Variants in RBM18 observed in about 807,000 individuals in gnomAD.
RBM18 encodes probable RNA-binding protein 18.
In RBM18, 18 loss-of-function variants were observed where a neutral mutation model predicts 26.4. The ratio of observed to expected loss-of-function variants is 0.68; its 90% CI spans 0.47 to 1.01. The LOEUF is 1.01. Ranked by LOEUF, RBM18 falls within the 50% of genes least tolerant of loss-of-function variation. RBM18 has a pLI of 0.00. For missense variants in RBM18, 180 were observed against 219.2 expected (o/e 0.82, Z 1.13); for synonymous variants, 74 against 81.1 (o/e 0.91, Z 0.47).
chr9:122,246,332 A>C (rs1192752861), intron 4 of RBM18, among the ~76,000 whole-genome samples: 1 of 152,208 alleles, frequency 6.6e-6, no homozygotes, highest in African/African-American at 2.4e-5. Flanking sequence ...TTCTTGTAAA[A>C]AGCAAATATA....
rs1318083199 is a variant in RBM18, at chr9:122,239,535, A to C, written c.*2349T>G. On this transcript the variant is annotated 3_prime_UTR_variant, in exon 6 of 6. Transcript: ENST00000417201. ...TATAAATCAAAATTATAAGTGACAT[A>C]ATTTTAGCAAACCAAAATAACCAGT... 4 of 152,278 alleles carry C rather than the reference A, an allele frequency of 2.6e-5. No homozygotes were observed. The highest frequency in any genetic ancestry group is 6.5e-5 in the Admixed American group (1 of 15,286). The allele number at this position is 152,278 out of a possible 1,614,324, so 9.4% of individuals were successfully genotyped here. A position where few individuals can be genotyped will look rare whatever the true frequency, so the allele number is the denominator to read the frequency against.
At chr9:122,255,084 G>A (rs757787525) in intron 2 of RBM18, among the ~76,000 whole-genome samples, 16 of 152,136 alleles carry the variant, frequency 1.1e-4, no homozygotes, top group Non-Finnish European at 1.8e-4. Flanking sequence ...TTTTAATTTC[G>A]GGTTGTAGGC....
chr9:122,264,119 C>T (rs1228860200), intron 1 of RBM18, among the ~76,000 whole-genome samples: 2 of 152,228 alleles, frequency 1.3e-5, no homozygotes, highest in African/African-American at 2.4e-5. Context: ...CACTTAAGTA[C>T]ACTGCCTGTC....
intron 5 of RBM18, 98 bp from the exon 6 acceptor site, chr9:122,242,141 G>T: frequency 1.8e-6 from 2 of 1,122,212 alleles, no homozygotes; most frequent in African/African-American, 1.6e-5. Context: ...TATTAGAGAC[G>T]CAACAAGATA....
At chr9:122,251,610 G>A (rs1282158686) in intron 3 of RBM18, among the ~76,000 whole-genome samples, 4 of 152,188 alleles carry the variant, frequency 2.6e-5, no homozygotes, top group African/African-American at 9.7e-5. Context: ...AGTGCATTTG[G>A]TCAAAAATGT....
chr9:122,248,005 C>G (rs73553401), intron 3 of RBM18, among the ~76,000 whole-genome samples: 5,747 of 152,110 alleles, frequency 0.038, 373 homozygotes, highest in African/African-American at 0.13. Context: ...CCAGGACTGT[C>G]TCAATCTCCC....
intron 2 of RBM18, chr9:122,254,151 G>C (rs570015913): frequency 6.5e-6 from 1 of 154,696 alleles, no homozygotes; most frequent in Admixed American, 6.6e-5. Flanking sequence ...AAGCAGGAAG[G>C]TAACACGATT....
At position 122,240,615 on chromosome 9, in the gene RBM18, T is replaced by C. The variant is rs1323347748; in HGVS notation, c.*1269A>G. On this transcript the variant is annotated 3_prime_UTR_variant, in exon 6 of 6. Transcript: ENST00000417201. ...ATACCTGGTAAAGGAGCAAAGGTGC[T>C]GCCCAATTAAACAGTATGTCAAACT... 2 of 152,244 alleles carry C rather than the reference T, an allele frequency of 1.3e-5. No homozygotes were observed. The highest frequency in any genetic ancestry group is 2.9e-5 in the Non-Finnish European group (2 of 68,052). The allele number at this position is 152,244 out of a possible 1,614,324, so 9.4% of individuals were successfully genotyped here.
At position 122,252,240 on chromosome 9, in the gene RBM18, C is replaced by T. The variant is rs547788579; in HGVS notation, c.114-267G>A. 2.6e-4 allele frequency among the ~76,000 whole-genome samples: 39 copies of T among 152,328 alleles called. 1 individual carries two copies. The highest frequency in any genetic ancestry group is 8.4e-4 in the African/African-American group (35 of 41,584). ...AAAACCACACCTTACAAACAGCTGT[C>T]TGGCCTACAAGCACTATTTGTTTTT... On this transcript the variant is annotated intron_variant, in intron 2 of 5. Coordinates refer to ENST00000417201, the MANE Select transcript of RBM18 (RefSeq NM_033117.4).
rs1459847456 is a variant in RBM18 at position 122,240,431 on chromosome 9, A to T, written c.*1453T>A. ...CTTAAACCAGTTTTATGAATTCTAA[A>T]ACCTCCCTCTACTGAAGTTTTGATT... On this transcript the variant is annotated 3_prime_UTR_variant, in exon 6 of 6. Transcript: ENST00000417201. 1 of 152,254 alleles carries T rather than the reference A, an allele frequency of 6.6e-6. No homozygotes were observed. The highest frequency in any genetic ancestry group is 1.5e-5 in the Non-Finnish European group (1 of 68,046). 9.4% of individuals were successfully genotyped at this position (152,254 alleles called of 1,614,324 possible).
intron 5 of RBM18, among the ~76,000 whole-genome samples, chr9:122,243,144 ACTT>A (rs1286481044): frequency 1.3e-5 from 2 of 150,476 alleles, no homozygotes; most frequent in African/African-American, 2.4e-5. Context: ...GATTTTTTTA[ACTT>A]TTTTTGTAGA....
chr9:122,262,180 T>C (rs1831809089), intron 1 of RBM18, among the ~76,000 whole-genome samples: 2 of 152,176 alleles, frequency 1.3e-5, no homozygotes, highest in South Asian at 2.1e-4. Context: ...AATCAATAAA[T>C]ACTAGCTATT....
chr9:122,243,312 G>T (rs1464845511), intron 5 of RBM18, among the ~76,000 whole-genome samples: 1 of 152,128 alleles, frequency 6.6e-6, no homozygotes, highest in Non-Finnish European at 1.5e-5. Context: ...CTCTACATGG[G>T]TTATCATGCA....
At chr9:122,253,232 G>A (rs1831634496) in intron 2 of RBM18, among the ~76,000 whole-genome samples, 1 of 152,110 alleles carries the variant, frequency 6.6e-6, no homozygotes, top group South Asian at 2.1e-4. Flanking sequence ...CCTTTGGGAG[G>A]CAGAAAGATA....
chr9:122,253,720 TAAA>T (rs574918085), intron 2 of RBM18, among the ~76,000 whole-genome samples: 1 of 131,126 alleles, frequency 7.6e-6, no homozygotes. Flanking sequence ...AACCTATTCT[TAAA>T]AAAAAAAAAA....
chr9:122,247,039 A>G (rs1831516402), intron 4 of RBM18, among the ~76,000 whole-genome samples: 1 of 152,122 alleles, frequency 6.6e-6, no homozygotes, highest in Admixed American at 6.5e-5. Context: ...CCACGAACCC[A>G]CACCCTAGTA....
chr9:122,263,923 C>A (rs547855507), intron 1 of RBM18, among the ~76,000 whole-genome samples: 1 of 152,214 alleles, frequency 6.6e-6, no homozygotes, highest in Admixed American at 6.5e-5. Context: ...AGCATCCTCT[C>A]GATAGAAAAG....
At position 122,247,526 on chromosome 9, in the gene RBM18, G is replaced by A; in HGVS notation, c.319C>T (p.Gln107Ter). Reference protein sequence around the residue: ...KKLVVRWAHAQVKRYDHNKND... With the variant: ...KKLVVRWAHA The stretch of plus-strand genomic sequence containing the variant: ...TAGCCTCTCAGACGTACCTTTACTT[G>A]AGCATGTGCCCATCGCACCACCAGC... The change falls in exon 4 of 6, where the codon CAA becomes TAA. Residue 107 changes from glutamine to a stop codon, truncating the protein, a stop_gained. Transcript: ENST00000417201. LOFTEE classifies it high-confidence loss of function. The A allele has an allele frequency of 2.5e-6, 4 of 1,613,684 alleles. No individual in the cohort carries two copies. The highest frequency in any genetic ancestry group is 3.4e-6 in the Non-Finnish European group (4 of 1,179,770).
At chr9:122,262,791 G>A (rs1004959788) in intron 1 of RBM18, among the ~76,000 whole-genome samples, 1 of 151,976 alleles carries the variant, frequency 6.6e-6, no homozygotes, top group African/African-American at 2.4e-5. Context: ...CACTATGTTG[G>A]CCAGGCTGGT....
Sources: gnomAD v4.1 joint callset for allele counts (sites outside exome capture counted in the v4.1 genomes callset) on GRCh38, gnomAD v4.1.1 for gene constraint, MANE v1.5 for transcripts, NCBI Gene and HGNC (gene_info 2026-07-23, HGNC 2026-07-21) for gene names.